DCAF6: variants seen among roughly 807,000 people sequenced by gnomAD.
DCAF6 encodes DDB1- and CUL4-associated factor 6.
DCAF6 carries 54 observed loss-of-function variants against 125.1 expected under a neutral mutation model. The ratio of observed to expected loss-of-function variants is 0.43; its 90% CI spans 0.35 to 0.54. The LOEUF is 0.54. Ranked by LOEUF, DCAF6 falls within the 20% of genes least tolerant of loss-of-function variation. The probability of loss-of-function intolerance (pLI) is 0.01; values close to 1 mark genes in which losing one functional copy is unlikely to be tolerated. For synonymous variants in DCAF6, 371 were observed against 390.4 expected (o/e 0.95, Z 0.58); for missense variants, 934 against 1,161.7 (o/e 0.80, Z 2.85).
At chr1:168,031,698 AT>A (rs1437447700) in intron 12 of DCAF6, among the ~76,000 whole-genome samples, 167 of 147,218 alleles carry the variant, frequency 1.1e-3, no homozygotes, top group South Asian at 3.6e-3. Flanking sequence ...GGCAGACTTG[AT>A]TTTTTTTTTT....
the DCAF6 span, among the ~76,000 whole-genome samples, chr1:167,898,804 C>G: frequency 1.3e-5 from 2 of 152,048 alleles, no homozygotes; most frequent in Non-Finnish European, 2.9e-5. Flanking sequence ...TTCTTTCTGC[C>G]GCGTAGTCCC....
At chr1:167,966,594 A>G (rs760522291) in intron 2 of DCAF6, 35 bp from the exon 3 acceptor site, 2 of 1,355,244 alleles carry the variant, frequency 1.5e-6, no homozygotes, top group South Asian at 2.4e-5. Context: ...TTTTATGTCC[A>G]ATTTGCTTAT....
chr1:167,865,494 T>C, the DCAF6 span, among the ~76,000 whole-genome samples: 13 of 152,326 alleles, frequency 8.5e-5, no homozygotes, highest in African/African-American at 3.1e-4. Context: ...AATATGTCTA[T>C]GAGGTTTTAT....
In DCAF6 at chr1:167,966,642, G is replaced by A. The variant is rs146895084; in HGVS notation, c.173G>A (p.Cys58Tyr). Residue 58 changes from cysteine to tyrosine, a missense_variant, in exon 3 of 22, where the codon TGT becomes TAT. Cys to Tyr is a radical substitution (Grantham distance 194). Around this residue, in one of 5 missense-constraint regions of DCAF6, gnomAD observed 309 missense variants for 381.2 expected, o/e 0.81. Coordinates refer to ENST00000367840, the MANE Select transcript of DCAF6 (RefSeq NM_001198956.2). ...NVHDGCVNTI[C>Y]WNDTGEYILS... ...CTTTCTCTTTAGGTTAATACAATCT[G>A]TTGGAATGACACTGGAGAATATATT... is the stretch of plus-strand genomic sequence containing the variant. 834 of 1,596,000 alleles carry A rather than the reference G, an allele frequency of 5.2e-4. No homozygotes were observed. The highest frequency in any genetic ancestry group is 6.5e-4 in the Non-Finnish European group (752 of 1,165,176).
At chr1:167,979,869 A>G (rs2102931066) in intron 4 of DCAF6, among the ~76,000 whole-genome samples, 1 of 150,166 alleles carries the variant, frequency 6.7e-6, no homozygotes, top group South Asian at 2.1e-4. Context: ...CGTGGGTGAC[A>G]GAGTGAGACT....
intron 9 of DCAF6, 87 bp downstream of exon 9, chr1:168,004,076 AC>A (rs1683008582): frequency 2.8e-6 from 4 of 1,424,390 alleles, no homozygotes. Context: ...TGTAAATTAT[AC>A]CATGTTTTAC....
At chr1:167,944,380 A>G (rs910740019) in intron 1 of DCAF6, among the ~76,000 whole-genome samples, 6 of 152,218 alleles carry the variant, frequency 3.9e-5, no homozygotes, top group Non-Finnish European at 8.8e-5. Flanking sequence ...TAATTCTTGG[A>G]GAAATCTCCA....
At chr1:167,870,878 A>G in the DCAF6 span, among the ~76,000 whole-genome samples, 2 of 151,666 alleles carry the variant, frequency 1.3e-5, no homozygotes, top group Admixed American at 6.6e-5. Context: ...ATGCACTTTC[A>G]AAATTGTTTA....
chr1:167,901,556 G>A, the DCAF6 span: 2 of 1,180,242 alleles, frequency 1.7e-6, no homozygotes, highest in African/African-American at 3.0e-5. Context: ...GGCATCATGG[G>A]GCTGAGCCAC....
the DCAF6 span, among the ~76,000 whole-genome samples, chr1:167,912,581 T>C: frequency 2.0e-5 from 3 of 152,228 alleles, no homozygotes; most frequent in Admixed American, 1.3e-4. Flanking sequence ...GTCTGTAATA[T>C]ATACCTAGCT....
At chr1:167,870,344 T>A in the DCAF6 span, 1 of 1,613,916 alleles carries the variant, frequency 6.2e-7, no homozygotes, top group Non-Finnish European at 8.5e-7. Flanking sequence ...CATTAAGACT[T>A]GGCTGCTGTT....
chr1:167,988,413 C>T (rs948053084), intron 5 of DCAF6, among the ~76,000 whole-genome samples: 4 of 152,066 alleles, frequency 2.6e-5, no homozygotes, highest in Non-Finnish European at 4.4e-5. Context: ...GTGATCCTCC[C>T]GACTTGGTGT....
chr1:168,013,744 GATTATT>G (rs1194621545), intron 10 of DCAF6, among the ~76,000 whole-genome samples: 1 of 151,712 alleles, frequency 6.6e-6, no homozygotes, highest in Admixed American at 6.6e-5. Context: ...AACTTCTCTT[GATTATT>G]ATTATTATTA....
At chr1:168,074,067 A>G (rs1264149063) in intron 21 of DCAF6, among the ~76,000 whole-genome samples, 1 of 151,594 alleles carries the variant, frequency 6.6e-6, no homozygotes, top group Non-Finnish European at 1.5e-5. Context: ...ACCTATTTGT[A>G]TAATTAAGGT....
the DCAF6 span, among the ~76,000 whole-genome samples, chr1:167,889,942 T>C: frequency 6.6e-6 from 1 of 152,250 alleles, no homozygotes; most frequent in Non-Finnish European, 1.5e-5. Flanking sequence ...TTAGTTAACA[T>C]GGCTGAAAGT....
chr1:168,063,329 A>T (rs1478882745), intron 17 of DCAF6, among the ~76,000 whole-genome samples: 1 of 152,158 alleles, frequency 6.6e-6, no homozygotes, highest in Non-Finnish European at 1.5e-5. Context: ...TGTCTGTATT[A>T]TGTTTTTATA....
chr1:168,001,505 A>G (rs1357696263), intron 7 of DCAF6, among the ~76,000 whole-genome samples: 1 of 152,172 alleles, frequency 6.6e-6, no homozygotes, highest in African/African-American at 2.4e-5. Flanking sequence ...TAGGAAATCA[A>G]TGGAAAGATT....
the DCAF6 span, among the ~76,000 whole-genome samples, chr1:167,898,344 T>C: frequency 6.6e-6 from 1 of 152,150 alleles, no homozygotes; most frequent in East Asian, 1.9e-4. Flanking sequence ...CTTACACCTA[T>C]AATCCCAGCA....
At chr1:167,970,147 T>G (rs888459071) in intron 3 of DCAF6, among the ~76,000 whole-genome samples, 8 of 152,200 alleles carry the variant, frequency 5.3e-5, no homozygotes, top group African/African-American at 1.9e-4. Flanking sequence ...CGATCACTAT[T>G]CAGAATTTTA....
Sources: allele counts gnomAD v4.1 joint callset (sites outside exome capture counted in the v4.1 genomes callset), GRCh38; gene constraint gnomAD v4.1.1; regional missense constraint gnomAD v4.1.1; transcripts MANE v1.5; gene names NCBI Gene and HGNC (gene_info 2026-07-23, HGNC 2026-07-21).